FHIT: variants seen among roughly 807,000 people sequenced by gnomAD.
FHIT encodes bis(5'-adenosyl)-triphosphatase.
A neutral mutation model predicts 17.9 loss-of-function variants in FHIT; 19 were observed. That is an observed-to-expected ratio of 1.06 (90% CI 0.74 to 1.56). The LOEUF (loss-of-function observed/expected upper bound fraction) is 1.56. FHIT is among the 40% of genes most tolerant of loss of function. The probability of loss-of-function intolerance (pLI) is 0.00; values close to 1 mark genes in which losing one functional copy is unlikely to be tolerated. For missense variants in FHIT, 248 were observed against 189.2 expected (o/e 1.31, Z -1.82); for synonymous variants, 81 against 69.7 (o/e 1.16, Z -0.81).
chr3:60,550,459 A>C (rs2036509027), intron 4 of FHIT, among the ~76,000 whole-genome samples: 1 of 152,192 alleles, frequency 6.6e-6, no homozygotes, highest in South Asian at 2.1e-4. Flanking sequence ...TTAAGTCATC[A>C]ACTTATGTCA....
At chr3:61,113,832 A>C (rs1420663218) in intron 2 of FHIT, among the ~76,000 whole-genome samples, 1 of 152,226 alleles carries the variant, frequency 6.6e-6, no homozygotes, top group East Asian at 1.9e-4. Flanking sequence ...CTGGGTTGCT[A>C]TCGCTGTAAG....
chr3:60,590,319 A>G (rs797032933), intron 4 of FHIT, among the ~76,000 whole-genome samples: 4 of 152,056 alleles, frequency 2.6e-5, no homozygotes, highest in South Asian at 2.1e-4. Context: ...ATCAAAATTC[A>G]TACTACAAAT....
chr3:60,986,243 G>T (rs140670324), intron 3 of FHIT, among the ~76,000 whole-genome samples: 252 of 152,174 alleles, frequency 1.7e-3, no homozygotes, highest in African/African-American at 5.7e-3. Flanking sequence ...ATAGTCCAGG[G>T]TCCACACTTT....
At chr3:60,208,515 T>C (rs2107510674) in intron 5 of FHIT, among the ~76,000 whole-genome samples, 1 of 152,304 alleles carries the variant, frequency 6.6e-6, no homozygotes, top group African/African-American at 2.4e-5. Flanking sequence ...CAAAGGCCAA[T>C]ATGGTGAGTA....
chr3:61,043,488 G>C (rs916246846), intron 2 of FHIT, among the ~76,000 whole-genome samples: 39 of 152,156 alleles, frequency 2.6e-4, no homozygotes, highest in Admixed American at 2.6e-4. Context: ...ACTCAAACTG[G>C]GTGGAGCCCA....
rs571332070 is a variant in FHIT at position 59,949,421 on chromosome 3, A to G, written c.280-27007T>C. Among the ~76,000 whole-genome samples the G allele has an allele frequency of 6.6e-5, 10 of 152,304 alleles. 1 individual carries two copies. The South Asian group carries it at 2.1e-3, about 32-fold the overall frequency. On this transcript the variant is annotated intron_variant, in intron 7 of 9. Coordinates refer to ENST00000492590, the MANE Select transcript of FHIT (RefSeq NM_002012.4). ...TTGGGCACCTATCTGGCATTCCACT[A>G]ATGTCCACCAAGTGACTGAATCAAC...
At chr3:60,569,728 T>TATATATATATATATATATATAC (rs1559547450) in intron 4 of FHIT, among the ~76,000 whole-genome samples, 7 of 13,600 alleles carry the variant, frequency 5.1e-4, no homozygotes, top group African/African-American at 1.7e-3. Context: ...ATTAATACTA[T>TATATATATATATATATATATAC]ATATATATAT....
chr3:60,579,233 C>T (rs187965253), intron 4 of FHIT, among the ~76,000 whole-genome samples: 13 of 152,206 alleles, frequency 8.5e-5, no homozygotes, highest in East Asian at 3.9e-4. Flanking sequence ...ATAGGCTATA[C>T]GCTATATGCT....
At chr3:61,180,610 G>A (rs1311259116) in intron 2 of FHIT, among the ~76,000 whole-genome samples, 1 of 152,156 alleles carries the variant, frequency 6.6e-6, no homozygotes, top group Non-Finnish European at 1.5e-5. Context: ...TGTCTTCCAA[G>A]ACTAAATACC....
At chr3:60,716,197 A>G (rs530932103) in intron 4 of FHIT, among the ~76,000 whole-genome samples, 2 of 152,182 alleles carry the variant, frequency 1.3e-5, no homozygotes, top group African/African-American at 2.4e-5. Flanking sequence ...TTTAGCTGAG[A>G]TCACACCGCT....
At chr3:61,222,419 G>A (rs1227868042) in intron 1 of FHIT, among the ~76,000 whole-genome samples, 2 of 152,202 alleles carry the variant, frequency 1.3e-5, no homozygotes, top group Non-Finnish European at 2.9e-5. Flanking sequence ...GAGAATGGCG[G>A]TCACAAATGC....
At chr3:60,348,603 G>A (rs1316852199) in intron 5 of FHIT, among the ~76,000 whole-genome samples, 1 of 152,120 alleles carries the variant, frequency 6.6e-6, no homozygotes, top group Non-Finnish European at 1.5e-5. Context: ...GTATACCTGG[G>A]ACTTGGCAAT....
chr3:59,899,019 C>T (rs78827314), intron 8 of FHIT, among the ~76,000 whole-genome samples: 113 of 152,296 alleles, frequency 7.4e-4, no homozygotes, highest in African/African-American at 2.6e-3. Context: ...CTAGTCTGCC[C>T]ACCATCAGAG....
At chr3:59,826,581 C>A (rs1243944947) in intron 8 of FHIT, among the ~76,000 whole-genome samples, 5 of 152,222 alleles carry the variant, frequency 3.3e-5, no homozygotes. Context: ...CCCTTCAGTG[C>A]CTTTATTCAA....
At chr3:60,117,816 C>T (rs1280421904) in intron 5 of FHIT, among the ~76,000 whole-genome samples, 1 of 152,070 alleles carries the variant, frequency 6.6e-6, no homozygotes, top group African/African-American at 2.4e-5. Flanking sequence ...AAAAAAATCC[C>T]CTGCTTCCTC....
chr3:60,865,500 A>G (rs1240736736), intron 3 of FHIT, among the ~76,000 whole-genome samples: 4 of 152,126 alleles, frequency 2.6e-5, no homozygotes, highest in African/African-American at 9.7e-5. Context: ...TTATTTTAAG[A>G]TTATGTAATT....
At chr3:60,842,645 A>ATTTTTTTTTTTTTTTTT (rs1170383044) in intron 3 of FHIT, among the ~76,000 whole-genome samples, 3 of 94,592 alleles carry the variant, frequency 3.2e-5, no homozygotes, top group Non-Finnish European at 4.3e-5. Context: ...ATATATATAT[A>ATTTTTTTTTTTTTTTTT]TTTTTTTTTT....
intron 3 of FHIT, among the ~76,000 whole-genome samples, chr3:60,893,702 G>A (rs1298244930): frequency 1.3e-5 from 2 of 152,158 alleles, no homozygotes; most frequent in Non-Finnish European, 2.9e-5. Context: ...AATGCCTAAT[G>A]ACTGCCACTG....
At chr3:60,150,252 C>T (rs944958675) in intron 5 of FHIT, among the ~76,000 whole-genome samples, 12 of 152,050 alleles carry the variant, frequency 7.9e-5, no homozygotes, top group Non-Finnish European at 1.5e-4. Context: ...CCACCTTGGC[C>T]TCCCAAAGTG....
Sources: allele counts gnomAD v4.1 joint callset (sites outside exome capture counted in the v4.1 genomes callset), GRCh38; gene constraint gnomAD v4.1.1; transcripts MANE v1.5; gene names NCBI Gene and HGNC (gene_info 2026-07-23, HGNC 2026-07-21).